Variants in DNAJC11 observed in about 807,000 individuals in gnomAD.
The protein encoded by DNAJC11 is dnaJ homolog subfamily C member 11.
A neutral mutation model predicts 78.6 loss-of-function variants in DNAJC11; 15 were observed. The observed-to-expected ratio is 0.19, with a 90% CI of 0.13 to 0.29. The LOEUF is 0.29. DNAJC11 is among the 10% of genes least tolerant of loss of function. The pLI is 1.00. For missense variants in DNAJC11, 547 were observed against 709.6 expected, an observed-to-expected ratio of 0.77 and a Z score of 2.60; for synonymous variants, 292 against 272.1, an observed-to-expected ratio of 1.07 and a Z score of -0.72.
Position 6,639,994 on chromosome 1 carries a change from G to A in DNAJC11, c.1161C>T (p.Ser387=), listed in dbSNP as rs200879558. The part of the protein sequence containing the change: ...PIHLTDQLLP[S]AMFYATVGPL... ...GCCCCACGGTGGCATAGAACATGGC[G>A]CTGGGCAGAAGCTGGTCCGTCAAGT... Residue 387 remains serine (S), a synonymous_variant, in exon 11 of 16, where the codon AGC becomes AGT. Transcript: ENST00000377577. 4.8e-5 allele frequency: 78 copies of A among 1,612,976 alleles called. No homozygotes were observed. The highest frequency in any genetic ancestry group is 1.7e-4 in the Middle Eastern group (1 of 6,058).
At chr1:6,683,749 C>G (rs1642590686) in intron 1 of DNAJC11, among the ~76,000 whole-genome samples, 1 of 152,212 alleles carries the variant, frequency 6.6e-6, no homozygotes, top group Non-Finnish European at 1.5e-5. Flanking sequence ...ATGAAGCAGT[C>G]CTGCTTGTGA....
At chr1:6,699,734 C>T (rs977909960) in intron 1 of DNAJC11, among the ~76,000 whole-genome samples, 10 of 151,794 alleles carry the variant, frequency 6.6e-5, no homozygotes, top group Non-Finnish European at 1.3e-4. Flanking sequence ...GCACATGTAT[C>T]CTGGAACTTA....
At chr1:6,678,569 T>C (rs1361620654) in intron 2 of DNAJC11, 102 bp from the exon 3 acceptor site, 16 of 902,004 alleles carry the variant, frequency 1.8e-5, no homozygotes, top group Non-Finnish European at 2.5e-5. Context: ...CTGTTCTCCC[T>C]GTCTGATCAC....
chr1:6,694,831 C>T (rs936629451), intron 1 of DNAJC11, among the ~76,000 whole-genome samples: 2 of 151,366 alleles, frequency 1.3e-5, no homozygotes, highest in African/African-American at 4.9e-5. Context: ...AAAAATTATC[C>T]AGGCATGGTG....
In DNAJC11 at chr1:6,645,034, G is replaced by C. The variant is rs753191956; in HGVS notation, c.980+7C>G. 8.7e-6 allele frequency: 14 copies of C among 1,613,668 alleles called. No individual in the cohort carries two copies. The Admixed American group carries it at 2.2e-4, about 25-fold the overall frequency. ...TGTGCTTCCATTTTAGCCAGGCCAG[G>C]ACTTACTTGAGGGATCCTTTCACAC... On this transcript the variant is annotated splice_region_variant and intron_variant, in intron 9 of 15. Transcript: ENST00000377577. This position sits in a 1 kb window ranked among gnomAD's most constrained non-coding sequence, Gnocchi z 4.1.
intron 1 of DNAJC11, among the ~76,000 whole-genome samples, chr1:6,696,759 T>C (rs1035539433): frequency 2.0e-5 from 3 of 152,226 alleles, no homozygotes; most frequent in African/African-American, 7.2e-5. Flanking sequence ...AGAAAAAAAC[T>C]ATTTATTAAC....
chr1:6,677,210 A>G (rs1642479124), intron 3 of DNAJC11, among the ~76,000 whole-genome samples: 2 of 151,760 alleles, frequency 1.3e-5, no homozygotes, highest in South Asian at 2.1e-4. Flanking sequence ...GTAATCTTAC[A>G]TGATGGTGAA....
At chr1:6,646,111 A>C (rs1641961104) in intron 7 of DNAJC11, 133 bp from the exon 8 acceptor site, 1 of 870,110 alleles carries the variant, frequency 1.1e-6, no homozygotes, top group Non-Finnish European at 1.8e-6. Context: ...CCAGTAAAAA[A>C]AAAAGCAGGA....
At chr1:6,698,665 G>T (rs1241760113) in intron 1 of DNAJC11, among the ~76,000 whole-genome samples, 3 of 151,926 alleles carry the variant, frequency 2.0e-5, no homozygotes, top group African/African-American at 7.3e-5. Context: ...TTTTTGGCTG[G>T]GTGCAGTGGC....
At chr1:6,686,796 A>G (rs1275560146) in intron 1 of DNAJC11, among the ~76,000 whole-genome samples, 1 of 152,252 alleles carries the variant, frequency 6.6e-6, no homozygotes, top group Non-Finnish European at 1.5e-5. Flanking sequence ...ATAACAACTT[A>G]ATAACACCTC....
intron 3 of DNAJC11, among the ~76,000 whole-genome samples, chr1:6,671,212 T>C (rs1570295695): frequency 6.6e-6 from 1 of 152,160 alleles, no homozygotes; most frequent in African/African-American, 2.4e-5. Flanking sequence ...TTGACTTGAT[T>C]TGATTTATTT....
chr1:6,651,955 G>A (rs1165851122), intron 6 of DNAJC11, among the ~76,000 whole-genome samples: 6 of 105,730 alleles, frequency 5.7e-5, no homozygotes, highest in South Asian at 3.4e-4. Context: ...GCAGAGCACC[G>A]ACTGCGGTCC....
chr1:6,665,848 A>AC (rs35220871), intron 4 of DNAJC11, among the ~76,000 whole-genome samples: 1 of 151,880 alleles, frequency 6.6e-6, no homozygotes, highest in Non-Finnish European at 1.5e-5. Flanking sequence ...CTTGCCAGGC[A>AC]CCCCCACCTC....
chr1:6,678,497 A>G (rs1642505896), intron 2 of DNAJC11, 30 bp from the exon 3 acceptor site: 2 of 1,589,266 alleles, frequency 1.3e-6, no homozygotes, highest in East Asian at 4.5e-5. Context: ...CATGTTTATA[A>G]AATACAAAAT....
intron 10 of DNAJC11, among the ~76,000 whole-genome samples, chr1:6,642,150 G>C (rs1641887500): frequency 6.6e-6 from 1 of 152,154 alleles, no homozygotes; most frequent in Non-Finnish European, 1.5e-5. Context: ...AGGATGGCTG[G>C]GGTTGGGGTA....
At chr1:6,697,453 T>C (rs896550674) in intron 1 of DNAJC11, among the ~76,000 whole-genome samples, 3 of 152,216 alleles carry the variant, frequency 2.0e-5, no homozygotes, top group African/African-American at 7.2e-5. Context: ...AAAGAGGACC[T>C]AACCTAGATC....
chr1:6,682,229 A>G (rs1322398226), intron 1 of DNAJC11, among the ~76,000 whole-genome samples: 1 of 150,174 alleles, frequency 6.7e-6, no homozygotes, highest in Non-Finnish European at 1.5e-5. Flanking sequence ...AACATCTTTC[A>G]GTCCCAGGAC....
intron 3 of DNAJC11, among the ~76,000 whole-genome samples, chr1:6,670,017 G>A (rs1285148818): frequency 6.6e-6 from 1 of 151,138 alleles, no homozygotes; most frequent in African/African-American, 2.4e-5. Flanking sequence ...GCGGTGGTGC[G>A]ATCTCAGCTC....
intron 11 of DNAJC11, among the ~76,000 whole-genome samples, chr1:6,639,432 C>A (rs1444465907): frequency 6.6e-6 from 1 of 151,634 alleles, no homozygotes; most frequent in East Asian, 1.9e-4. Flanking sequence ...CAGGTTCAAG[C>A]AATTCTCCTG....
Sources: allele counts gnomAD v4.1 joint callset (sites outside exome capture counted in the v4.1 genomes callset), GRCh38; gene constraint gnomAD v4.1.1; non-coding constraint Gnocchi (gnomAD v3.1); transcripts MANE v1.5; gene names NCBI Gene and HGNC (gene_info 2026-07-23, HGNC 2026-07-21).